PRICKLE1: variants seen among roughly 807,000 people sequenced by gnomAD.
PRICKLE1 encodes prickle planar cell polarity protein 1, also known as prickle-like protein 1.
Under a neutral mutation model 70.2 loss-of-function variants are expected in PRICKLE1, and 14 were observed. That is an observed-to-expected ratio of 0.20 (90% CI 0.13 to 0.31). The LOEUF (loss-of-function observed/expected upper bound fraction) is 0.31, where lower values mean the gene tolerates loss of function less well. PRICKLE1 is among the 10% of genes least tolerant of loss of function. The pLI, the probability that PRICKLE1 is intolerant of heterozygous loss-of-function variation, is 1.00. For missense variants in PRICKLE1, 821 were observed against 1,026.2 expected, an observed-to-expected ratio of 0.80 and a Z score of 2.73; for synonymous variants, 357 against 379.9, an observed-to-expected ratio of 0.94 and a Z score of 0.70.
intron 1 of PRICKLE1, among the ~76,000 whole-genome samples, chr12:42,486,008 CA>C (rs1018323480): frequency 1.3e-5 from 2 of 152,132 alleles, no homozygotes; most frequent in African/African-American, 4.8e-5. Flanking sequence ...TGAACTTATG[CA>C]GAATGGAGAG....
chr12:42,469,051 G>A (rs1293619554), intron 4 of PRICKLE1, among the ~76,000 whole-genome samples: 1 of 152,164 alleles, frequency 6.6e-6, no homozygotes, highest in African/African-American at 2.4e-5. Flanking sequence ...GGTGTAATCT[G>A]ATTCACACAA....
chr12:42,557,173 A>C (rs1473306485), intron 1 of PRICKLE1, among the ~76,000 whole-genome samples: 1 of 152,150 alleles, frequency 6.6e-6, no homozygotes, highest in Non-Finnish European at 1.5e-5. Flanking sequence ...ATTGAGTGCT[A>C]CTCAATGACA....
intron 1 of PRICKLE1, among the ~76,000 whole-genome samples, chr12:42,569,927 T>C (rs893718071): frequency 6.6e-6 from 1 of 152,240 alleles, no homozygotes; most frequent in African/African-American, 2.4e-5. Flanking sequence ...GGACACCTGC[T>C]ATTGACTAGA....
At chr12:42,498,901 T>A (rs1279146396) in intron 1 of PRICKLE1, among the ~76,000 whole-genome samples, 3 of 152,224 alleles carry the variant, frequency 2.0e-5, no homozygotes, top group Non-Finnish European at 4.4e-5. Context: ...AAATGTTCCC[T>A]GAAGCCCCAT....
chr12:42,511,868 T>C (rs1239741345), intron 1 of PRICKLE1, among the ~76,000 whole-genome samples: 2 of 152,210 alleles, frequency 1.3e-5, no homozygotes, highest in African/African-American at 4.8e-5. Context: ...ATGCAAAGAA[T>C]GCTTGAAAAA....
At chr12:42,533,216 T>C (rs979023224) in intron 1 of PRICKLE1, among the ~76,000 whole-genome samples, 1 of 151,420 alleles carries the variant, frequency 6.6e-6, no homozygotes, top group Non-Finnish European at 1.5e-5. Flanking sequence ...TTTTCTTCTT[T>C]TTTTTTTTTC....
rs1352919793 is a variant in PRICKLE1 at position 42,459,736 on chromosome 12, C to G, written c.*73G>C. The G allele has an allele frequency of 7.0e-6, 11 of 1,577,088 alleles. No homozygotes were observed. Among genetic ancestry groups the G allele is most frequent in the African/African-American group, 1.4e-5 (1 of 74,058 alleles). ...ACTTTAAACTATTTTCACAACTTTCCTACGGAAGAAAAGGAAACGATTCAG... is the reference window on the plus strand; with the variant it reads ...ACTTTAAACTATTTTCACAACTTTCGTACGGAAGAAAAGGAAACGATTCAG... On this transcript the variant is annotated 3_prime_UTR_variant, in exon 8 of 8. Coordinates refer to ENST00000345127, the MANE Select transcript of PRICKLE1 (RefSeq NM_153026.3).
rs755590703 is a variant in PRICKLE1, at chr12:42,469,482, A to G, written c.352T>C (p.Ser118Pro). 1.2e-6 allele frequency: 2 copies of G among 1,614,060 alleles called. No homozygotes were observed. Among genetic ancestry groups the G allele is most frequent in the Admixed American group, 3.3e-5 (2 of 60,004 alleles). ...CACACAGCATGCATGACTGCTCTGG[A>G]CAGAAGCTTAATTGTTCCTCTTCCC... ...ALGRGTIKLLSRAVMHAVCEQ... is the reference protein window; with the variant it reads ...ALGRGTIKLLPRAVMHAVCEQ... The change falls in exon 4 of 8, where the codon TCC (serine) becomes CCC (proline). Residue 118 changes from serine (S) to proline (P), a missense_variant. By Grantham distance (74) the Ser-to-Pro change is moderately conservative. Coordinates refer to ENST00000345127, the MANE Select transcript of PRICKLE1 (RefSeq NM_153026.3).
chr12:42,559,843 T>C (rs1219674101), intron 1 of PRICKLE1, among the ~76,000 whole-genome samples: 2 of 151,782 alleles, frequency 1.3e-5, no homozygotes, highest in Non-Finnish European at 2.9e-5. Flanking sequence ...ATTAAACATG[T>C]CTTTATCAAG....
At chr12:42,512,400 C>T (rs1939530935) in intron 1 of PRICKLE1, among the ~76,000 whole-genome samples, 1 of 152,140 alleles carries the variant, frequency 6.6e-6, no homozygotes, top group Non-Finnish European at 1.5e-5. Context: ...TCTTGAACTG[C>T]TGACCTTAAA....
intron 1 of PRICKLE1, among the ~76,000 whole-genome samples, chr12:42,529,334 T>C (rs1219002046): frequency 6.6e-6 from 1 of 152,234 alleles, no homozygotes; most frequent in Non-Finnish European, 1.5e-5. Flanking sequence ...ACTAAGCTAT[T>C]AATTATGTAG....
intron 1 of PRICKLE1, among the ~76,000 whole-genome samples, chr12:42,562,037 G>A (rs776455776): frequency 6.6e-6 from 1 of 150,480 alleles, no homozygotes; most frequent in Non-Finnish European, 1.5e-5. Flanking sequence ...TCAGCTCCCC[G>A]AGTAGCTGGG....
intron 1 of PRICKLE1, among the ~76,000 whole-genome samples, chr12:42,554,821 G>T (rs970284676): frequency 6.6e-6 from 1 of 151,886 alleles, no homozygotes; most frequent in African/African-American, 2.4e-5. Flanking sequence ...CTTTCCCTAA[G>T]GTACTGGGCA....
intron 1 of PRICKLE1, among the ~76,000 whole-genome samples, chr12:42,501,040 T>G (rs901133704): frequency 6.6e-6 from 1 of 152,184 alleles, no homozygotes; most frequent in South Asian, 2.1e-4. Context: ...CTTCTACCTA[T>G]TGGAAAAGTG....
chr12:42,551,539 A>G (rs978423882), intron 1 of PRICKLE1, among the ~76,000 whole-genome samples: 11 of 152,214 alleles, frequency 7.2e-5, no homozygotes, highest in African/African-American at 2.7e-4. Flanking sequence ...AAGAGCCAAC[A>G]AAGTCCCCAC....
chr12:42,459,527 C>G lies in PRICKLE1; in HGVS notation c.*282G>C, dbSNP rs1937714519. 1.6e-6 allele frequency: 1 copy of G among 620,736 alleles called. No homozygotes were observed. The highest frequency in any genetic ancestry group is 2.8e-5 in the Admixed American group (1 of 35,920). 38.5% of individuals were successfully genotyped at this position (620,736 alleles called of 1,614,324 possible). On this transcript the variant is annotated 3_prime_UTR_variant, in exon 8 of 8. Coordinates refer to ENST00000345127, the MANE Select transcript of PRICKLE1 (RefSeq NM_153026.3). ...CCTTCAGTCAGCATCTTCAGTATTC[C>G]CTTGAGGACTGGAAAACCAAAGCAG...
intron 1 of PRICKLE1, among the ~76,000 whole-genome samples, chr12:42,560,838 T>C (rs1218650387): frequency 1.3e-5 from 2 of 151,760 alleles, no homozygotes; most frequent in Non-Finnish European, 2.9e-5. Context: ...ACACATGCTC[T>C]ATTGGGAATT....
At chr12:42,465,351 G>T in intron 6 of PRICKLE1, 93 bp from the exon 7 acceptor site, 2 of 1,236,498 alleles carry the variant, frequency 1.6e-6, no homozygotes, top group Non-Finnish European at 2.3e-6. Flanking sequence ...TAAAGATTAT[G>T]GGTATGGGGG....
chr12:42,469,574 T>G lies in PRICKLE1; in HGVS notation c.260A>C (p.Gln87Pro). 6.2e-7 allele frequency: 1 copy of G among 1,614,168 alleles called. No homozygotes were observed. Among genetic ancestry groups the G allele is most frequent in the Non-Finnish European group, 8.5e-7 (1 of 1,180,048 alleles). ...PPHDNEVRYC[Q>P]SLSEEEKKEL... is the part of the protein sequence containing the mutation. The stretch of plus-strand genomic sequence containing the variant: ...TTTTTTCTCCTCTTCACTCAAAGAC[T>G]GGCAATACCGTACCTTCACAGAAAG... The change falls in exon 4 of 8, where the codon CAG becomes CCG. Residue 87 changes from glutamine (Q) to proline (P), a missense_variant. Transcript: ENST00000345127.
Sources: gnomAD v4.1 joint callset for allele counts (sites outside exome capture counted in the v4.1 genomes callset) on GRCh38, gnomAD v4.1.1 for gene constraint, MANE v1.5 for transcripts, NCBI Gene and HGNC (gene_info 2026-07-23, HGNC 2026-07-21) for gene names.